PEPD: variants seen among roughly 807,000 people sequenced by gnomAD.
The protein encoded by PEPD is xaa-Pro dipeptidase.
Under a neutral mutation model 60.7 loss-of-function variants are expected in PEPD, and 53 were observed. That is an observed-to-expected ratio of 0.87 (90% CI 0.70 to 1.10). The LOEUF is 1.10. Ranked by LOEUF, PEPD falls within the 50% of genes least tolerant of loss-of-function variation. The pLI, the probability that PEPD is intolerant of heterozygous loss-of-function variation, is 0.00. For missense variants in PEPD, 711 were observed against 711.9 expected, an observed-to-expected ratio of 1.00 and a Z score of 0.01; for synonymous variants, 267 against 284.1, an observed-to-expected ratio of 0.94 and a Z score of 0.60.
At chr19:33,468,255 C>T (rs1278292375) in intron 7 of PEPD, among the ~76,000 whole-genome samples, 1 of 152,220 alleles carries the variant, frequency 6.6e-6, no homozygotes, top group Non-Finnish European at 1.5e-5. Context: ...CCAAAGCTCC[C>T]AAAGGCCCAC....
At chr19:33,401,903 T>C in intron 11 of PEPD, 34 bp from the exon 12 acceptor site, 1 of 1,608,434 alleles carries the variant, frequency 6.2e-7, no homozygotes, top group South Asian at 1.1e-5. Flanking sequence ...AAGTGGGTAC[T>C]GGGGTGCCAC....
chr19:33,456,111 A>G (rs1969793973), intron 9 of PEPD, among the ~76,000 whole-genome samples: 1 of 152,080 alleles, frequency 6.6e-6, no homozygotes, highest in Non-Finnish European at 1.5e-5. Context: ...AAAATGAGCC[A>G]TCCCTGCTTT....
intron 7 of PEPD, among the ~76,000 whole-genome samples, chr19:33,465,333 G>A (rs1160455980): frequency 6.6e-6 from 1 of 152,132 alleles, no homozygotes; most frequent in Non-Finnish European, 1.5e-5. Context: ...AATCTCAGCA[G>A]GCAAACGCAG....
chr19:33,391,093 A>G (rs980425695), intron 13 of PEPD, among the ~76,000 whole-genome samples: 23 of 152,002 alleles, frequency 1.5e-4, no homozygotes, highest in Non-Finnish European at 1.5e-5. Flanking sequence ...AGTTCTGTGG[A>G]ATGCTCACAG....
intron 6 of PEPD, among the ~76,000 whole-genome samples, chr19:33,478,410 G>C (rs1038952716): frequency 2.4e-4 from 37 of 152,128 alleles, no homozygotes; most frequent in African/African-American, 8.2e-4. Flanking sequence ...CAGAAGGAAA[G>C]AATGCAGAGA....
chr19:33,443,803 C>A (rs1969534297), intron 9 of PEPD, among the ~76,000 whole-genome samples: 1 of 152,196 alleles, frequency 6.6e-6, no homozygotes, highest in Non-Finnish European at 1.5e-5. Flanking sequence ...CACAAGCACA[C>A]AGTGTGTCCT....
At chr19:33,473,493 C>T (rs1023914685) in intron 7 of PEPD, among the ~76,000 whole-genome samples, 1 of 152,154 alleles carries the variant, frequency 6.6e-6, no homozygotes, top group Non-Finnish European at 1.5e-5. Flanking sequence ...ACTTTTCGTT[C>T]TGTGTAATTA....
At chr19:33,508,294 G>A (rs1230650945) in intron 3 of PEPD, among the ~76,000 whole-genome samples, 2 of 152,168 alleles carry the variant, frequency 1.3e-5, no homozygotes, top group Non-Finnish European at 1.5e-5. Flanking sequence ...AGGGGCCCTC[G>A]CTCGTCCTGA....
intron 9 of PEPD, among the ~76,000 whole-genome samples, chr19:33,435,081 C>A (rs1411089413): frequency 1.3e-5 from 2 of 152,168 alleles, no homozygotes; most frequent in Admixed American, 6.5e-5. Context: ...GAACCTTGGG[C>A]GCTGGGGAGG....
At chr19:33,435,790 C>T (rs1969364649) in intron 9 of PEPD, among the ~76,000 whole-genome samples, 1 of 152,124 alleles carries the variant, frequency 6.6e-6, no homozygotes, top group Non-Finnish European at 1.5e-5. Flanking sequence ...CAGCCCAACC[C>T]ACGCTCCCAT....
At chr19:33,401,011 C>A (rs965675285) in intron 12 of PEPD, among the ~76,000 whole-genome samples, 4 of 152,202 alleles carry the variant, frequency 2.6e-5, no homozygotes. Flanking sequence ...CCTCTGCCTG[C>A]CCTGACAGAC....
intron 6 of PEPD, among the ~76,000 whole-genome samples, chr19:33,483,500 A>G (rs1970346553): frequency 6.6e-6 from 1 of 151,972 alleles, no homozygotes; most frequent in South Asian, 2.1e-4. Context: ...CAAGACTTCA[A>G]CTCTCTGGAT....
At position 33,493,335 on chromosome 19, in the gene PEPD, A is replaced by C. The variant is rs1970536437; in HGVS notation, c.396T>G (p.Ile132Met). ...GCTTCTGTGACGTCAGGACGCTGGCAATCTAGAAGGTCGGAAAGAAAAACC... is the reference window on the plus strand; with the variant it reads ...GCTTCTGTGACGTCAGGACGCTGGCCATCTAGAAGGTCGGAAAGAAAAACC... ...AVDDVQYVDE[I>M]ASVLTSQKPS... Residue 132 changes from isoleucine to methionine, a missense_variant and splice_region_variant, in exon 5 of 15, where the codon ATT becomes ATG. Coordinates refer to ENST00000244137, the MANE Select transcript of PEPD (RefSeq NM_000285.4). 6.2e-7 allele frequency: 1 copy of C among 1,612,948 alleles called. No homozygotes were observed. The highest frequency in any genetic ancestry group is 1.3e-5 in the African/African-American group (1 of 75,000).
intron 12 of PEPD, among the ~76,000 whole-genome samples, chr19:33,394,951 G>C (rs921269566): frequency 6.6e-6 from 1 of 152,162 alleles, no homozygotes; most frequent in Non-Finnish European, 1.5e-5. Context: ...TTGGATGCCT[G>C]GGCCATCTCT....
intron 6 of PEPD, among the ~76,000 whole-genome samples, chr19:33,487,796 G>C (rs909225870): frequency 1.3e-5 from 2 of 152,156 alleles, no homozygotes; most frequent in Non-Finnish European, 2.9e-5. Context: ...CAGAGCACAG[G>C]CTCCTCTGGG....
chr19:33,409,777 A>G (rs1331069060), intron 11 of PEPD, among the ~76,000 whole-genome samples: 1 of 152,208 alleles, frequency 6.6e-6, no homozygotes, highest in African/African-American at 2.4e-5. Context: ...CTGCTGAGCC[A>G]AGTCTGAGTT....
At chr19:33,505,489 G>A (rs1053542058) in intron 3 of PEPD, among the ~76,000 whole-genome samples, 1 of 152,092 alleles carries the variant, frequency 6.6e-6, no homozygotes, top group South Asian at 2.1e-4. Context: ...CAAACCACCC[G>A]GGCAGCAGCC....
intron 1 of PEPD, among the ~76,000 whole-genome samples, chr19:33,516,017 T>A (rs997032127): frequency 6.6e-6 from 1 of 152,000 alleles, no homozygotes. Flanking sequence ...TCTACAACCA[T>A]GCTTATTTCT....
chr19:33,441,239 C>T (rs535122904), intron 9 of PEPD, among the ~76,000 whole-genome samples: 28 of 152,338 alleles, frequency 1.8e-4, no homozygotes, highest in Non-Finnish European at 3.5e-4. Flanking sequence ...TTCAGAAACA[C>T]GCCCTGGCAT....
Sources: gnomAD v4.1 joint callset for allele counts (sites outside exome capture counted in the v4.1 genomes callset) on GRCh38, gnomAD v4.1.1 for gene constraint, MANE v1.5 for transcripts, NCBI Gene and HGNC (gene_info 2026-07-23, HGNC 2026-07-21) for gene names.